MED27: variants seen among roughly 807,000 people sequenced by gnomAD.
MED27 encodes the protein mediator complex subunit 27, also known as mediator of RNA polymerase II transcription subunit 27.
A neutral mutation model predicts 38.2 loss-of-function variants in MED27; 30 were observed. The ratio of observed to expected loss-of-function variants is 0.79; its 90% CI spans 0.59 to 1.07. MED27 has a LOEUF of 1.07. Among genes scored for constraint, MED27 ranks in the 50% least tolerant of loss-of-function variants. The pLI is 0.00. For synonymous variants in MED27, 122 were observed against 153.5 expected (o/e 0.79, Z 1.52); for missense variants, 289 against 397.5 (o/e 0.73, Z 2.32).
At chr9:131,871,097 T>C (rs1033407614) in intron 6 of MED27, among the ~76,000 whole-genome samples, 10 of 152,030 alleles carry the variant, frequency 6.6e-5, no homozygotes, top group Admixed American at 5.9e-4. Context: ...TCCCACTGTG[T>C]GCCCGGGATT....
intron 4 of MED27, among the ~76,000 whole-genome samples, chr9:131,910,715 G>C (rs1330163235): frequency 6.6e-6 from 1 of 152,200 alleles, no homozygotes; most frequent in Admixed American, 6.5e-5. Context: ...AATTGTGTGA[G>C]TGTGTCTGTT....
intron 3 of MED27, among the ~76,000 whole-genome samples, chr9:131,984,260 C>A (rs1831803407): frequency 6.6e-6 from 1 of 152,168 alleles, no homozygotes; most frequent in South Asian, 2.1e-4. Flanking sequence ...ATCACCTCCT[C>A]ACATTCTGTA....
chr9:132,034,164 C>G (rs534247584), intron 2 of MED27, among the ~76,000 whole-genome samples: 123 of 152,252 alleles, frequency 8.1e-4, no homozygotes, highest in Admixed American at 2.0e-3. Context: ...TCCCCCAGCT[C>G]AAGAATCAAG....
intron 6 of MED27, among the ~76,000 whole-genome samples, chr9:131,870,772 C>G (rs140498327): frequency 1.3e-5 from 2 of 152,162 alleles, no homozygotes; most frequent in Admixed American, 1.3e-4. Flanking sequence ...CACTTACACC[C>G]CAGTTCCTGT....
intron 2 of MED27, among the ~76,000 whole-genome samples, chr9:132,075,458 A>C (rs996304745): frequency 3.3e-5 from 5 of 152,200 alleles, no homozygotes; most frequent in Non-Finnish European, 7.3e-5. Flanking sequence ...TCTGGGATAA[A>C]TGCATACGGA....
intron 3 of MED27, among the ~76,000 whole-genome samples, chr9:131,992,582 G>A (rs1832000270): frequency 6.6e-6 from 1 of 152,010 alleles, no homozygotes; most frequent in Non-Finnish European, 1.5e-5. Context: ...AAAAATTTTT[G>A]TAGAGATGGG....
intron 6 of MED27, among the ~76,000 whole-genome samples, chr9:131,877,090 C>T (rs770157226): frequency 1.5e-4 from 23 of 152,102 alleles, no homozygotes; most frequent in Admixed American, 3.3e-4. Flanking sequence ...CTGTGGAGTC[C>T]CTCTGAGTGT....
intron 1 of MED27, among the ~76,000 whole-genome samples, chr9:132,079,120 G>A (rs916446831): frequency 6.6e-5 from 10 of 152,154 alleles, no homozygotes; most frequent in African/African-American, 2.2e-4. Context: ...AGCGGTTAGG[G>A]GAAAAGGTGA....
chr9:131,879,419 A>C (rs1332619104), intron 6 of MED27, among the ~76,000 whole-genome samples: 1 of 152,178 alleles, frequency 6.6e-6, no homozygotes, highest in African/African-American at 2.4e-5. Flanking sequence ...CAGTGACTGC[A>C]ACCACATAAT....
intron 3 of MED27, among the ~76,000 whole-genome samples, chr9:132,012,700 T>C (rs1832508868): frequency 6.6e-6 from 1 of 152,142 alleles, no homozygotes; most frequent in East Asian, 1.9e-4. Context: ...CTCCCATACC[T>C]TACCCCACTC....
intron 3 of MED27, among the ~76,000 whole-genome samples, chr9:131,956,690 T>C (rs1171392566): frequency 6.6e-6 from 1 of 152,026 alleles, no homozygotes; most frequent in Non-Finnish European, 1.5e-5. Flanking sequence ...TTATCTGTTA[T>C]GTGTACTTAA....
chr9:131,977,924 T>C (rs1244740886), intron 3 of MED27, among the ~76,000 whole-genome samples: 1 of 152,154 alleles, frequency 6.6e-6, no homozygotes, highest in African/African-American at 2.4e-5. Context: ...TTCCAGCTGA[T>C]AGATGAACCG....
chr9:132,011,031 T>TA (rs1461786865), intron 3 of MED27, among the ~76,000 whole-genome samples: 12 of 152,094 alleles, frequency 7.9e-5, no homozygotes, highest in Admixed American at 7.2e-4. Context: ...TAAAGTATAA[T>TA]AAAAAAATTT....
chr9:131,951,149 C>A (rs756589470), intron 3 of MED27, among the ~76,000 whole-genome samples: 20 of 152,182 alleles, frequency 1.3e-4, no homozygotes, highest in Admixed American at 2.6e-4. Flanking sequence ...CAGGACTCAT[C>A]CCCCAACCTC....
intron 3 of MED27, among the ~76,000 whole-genome samples, chr9:132,008,259 T>C (rs1023435358): frequency 6.6e-6 from 1 of 152,212 alleles, no homozygotes; most frequent in African/African-American, 2.4e-5. Context: ...AATAAATACA[T>C]AGATATCTCA....
chr9:131,884,237 A>G, intron 5 of MED27, 138 bp from the exon 6 acceptor site: 1 of 575,884 alleles, frequency 1.7e-6, no homozygotes, highest in Non-Finnish European at 2.8e-6. Context: ...CTCAGGGTTG[A>G]AAAGGATCTT....
intron 2 of MED27, chr9:132,073,880 A>G (rs1833994084): frequency 8.3e-7 from 1 of 1,197,818 alleles, no homozygotes; most frequent in African/African-American, 1.6e-5. Flanking sequence ...GGAAAGGCGG[A>G]CGTCTTAGTC....
intron 3 of MED27, among the ~76,000 whole-genome samples, chr9:131,944,056 G>C (rs925480631): frequency 2.6e-5 from 4 of 152,256 alleles, no homozygotes; most frequent in African/African-American, 9.6e-5. Flanking sequence ...ATCTCTTCCA[G>C]AAGGACAGCT....
chr9:132,036,354 T>C (rs1833077246), intron 2 of MED27, among the ~76,000 whole-genome samples: 1 of 152,016 alleles, frequency 6.6e-6, no homozygotes. Flanking sequence ...CAGGTACATA[T>C]TACCACACCC....
Sources: gnomAD v4.1 joint callset for allele counts (sites outside exome capture counted in the v4.1 genomes callset) on GRCh38, gnomAD v4.1.1 for gene constraint, MANE v1.5 for transcripts, NCBI Gene and HGNC (gene_info 2026-07-23, HGNC 2026-07-21) for gene names.